The following KANK1 variants were observed in gnomAD, a reference collection of about 807,000 sequenced individuals.
The protein encoded by KANK1 is KN motif and ankyrin repeat domains 1, also known as KN motif and ankyrin repeat domain-containing protein 1.
KANK1 carries 109 observed loss-of-function variants against 106.2 expected under a neutral mutation model. The ratio of observed to expected loss-of-function variants is 1.03; its 90% CI spans 0.88 to 1.20. The LOEUF (loss-of-function observed/expected upper bound fraction) is 1.20, where lower values mean the gene tolerates loss of function less well. Among genes scored for constraint, KANK1 ranks in the 50% most tolerant of loss-of-function variants. KANK1 has a pLI of 0.00. For missense variants in KANK1, 2,399 were observed against 1,710.7 expected (o/e 1.40, Z -7.10); for synonymous variants, 873 against 652.2 (o/e 1.34, Z -5.16).
At chr9:707,062 G>T (rs1428551584) in intron 2 of KANK1, 31 of 985,372 alleles carry the variant, frequency 3.1e-5, no homozygotes, top group Non-Finnish European at 3.7e-5. Flanking sequence ...CACTGCAGCC[G>T]GAGGGAGACC....
chr9:592,171 GT>G (rs1163461158), intron 1 of KANK1, among the ~76,000 whole-genome samples: 1 of 151,724 alleles, frequency 6.6e-6, no homozygotes, highest in Admixed American at 6.6e-5. Context: ...TCAAAAAAGG[GT>G]TTGGCTGAAG....
chr9:628,054 A>G (rs1046235512), intron 1 of KANK1, among the ~76,000 whole-genome samples: 5 of 151,978 alleles, frequency 3.3e-5, no homozygotes, highest in Non-Finnish European at 2.9e-5. Context: ...TACAGTATAT[A>G]AAACACTTAA....
intron 3 of KANK1, among the ~76,000 whole-genome samples, chr9:485,016 GC>G (rs2058267428): frequency 1.3e-5 from 2 of 152,302 alleles, no homozygotes; most frequent in South Asian, 4.1e-4. Flanking sequence ...GTTCAGAGAG[GC>G]CCTGGAAGCC....
intron 5 of KANK1, chr9:732,060 G>A (rs1832442201): frequency 5.1e-6 from 1 of 195,098 alleles, no homozygotes; most frequent in Non-Finnish European, 1.0e-5. Flanking sequence ...GGTGGGGGGG[G>A]GACAAAAAGC....
chr9:643,892 G>A (rs776349412), intron 1 of KANK1, among the ~76,000 whole-genome samples: 1 of 149,428 alleles, frequency 6.7e-6, no homozygotes, highest in Non-Finnish European at 1.5e-5. Flanking sequence ...TGGTAGAGAC[G>A]GGGTTTCACC....
At position 738,393 on chromosome 9, in the gene KANK1, C is replaced by A. The variant is rs142515309; in HGVS notation, c.3442C>A (p.Pro1148Thr). ...CATAGCTGCTTTTGAGGCCATTTCC[C>A]CAGATGTCCTCCGCTATGTCATCAA... is the stretch of plus-strand genomic sequence containing the variant. Reference protein sequence around the residue: ...DYIAAFEAISPDVLRYVINLA... With the variant: ...DYIAAFEAISTDVLRYVINLA... Residue 1148 changes from proline (P) to threonine (T), a missense_variant, in exon 8 of 12, where the codon CCA (proline) becomes ACA (threonine). Transcript: ENST00000382297. 6.2e-7 allele frequency: 1 copy of A among 1,614,122 alleles called. No homozygotes were observed. The highest frequency in any genetic ancestry group is 8.5e-7 in the Non-Finnish European group (1 of 1,180,000).
intron 2 of KANK1, among the ~76,000 whole-genome samples, chr9:701,058 A>G (rs1822535267): frequency 6.6e-6 from 1 of 152,170 alleles, no homozygotes; most frequent in South Asian, 2.1e-4. Flanking sequence ...GGCATTTTTT[A>G]TCACTTGAGC....
intron 1 of KANK1, among the ~76,000 whole-genome samples, chr9:546,263 G>T (rs1405717593): frequency 1.3e-5 from 2 of 152,004 alleles, no homozygotes; most frequent in African/African-American, 4.8e-5. Flanking sequence ...GGGAATATTT[G>T]GCAATATCCG....
intron 1 of KANK1, among the ~76,000 whole-genome samples, chr9:560,763 G>A (rs757925037): frequency 6.9e-6 from 1 of 144,698 alleles, no homozygotes; most frequent in African/African-American, 2.5e-5. Context: ...CCAACTGGAT[G>A]TCAGACATCA....
intron 3 of KANK1, among the ~76,000 whole-genome samples, chr9:714,780 T>C (rs1490251115): frequency 6.6e-6 from 1 of 152,206 alleles, no homozygotes; most frequent in Non-Finnish European, 1.5e-5. Context: ...TTTTATGGCT[T>C]ACAGTAATTC....
In KANK1 at chr9:745,275, G is replaced by C; in HGVS notation, c.*40G>C. ...CCCTTTATTTACATGCCACTATTAA[G>C]CTGCTAATTGTTCCTGTTGGGGTGA... On this transcript the variant is annotated 3_prime_UTR_variant, in exon 12 of 12. Coordinates refer to ENST00000382297, the MANE Select transcript of KANK1 (RefSeq NM_015158.5). 4 of 1,612,248 alleles carry C rather than the reference G, an allele frequency of 2.5e-6. No individual in the cohort carries two copies. Among genetic ancestry groups the C allele is most frequent in the Non-Finnish European group, 3.4e-6 (4 of 1,178,466 alleles).
At chr9:606,178 CACACCA>C (rs1829087746) in intron 1 of KANK1, among the ~76,000 whole-genome samples, 1 of 142,842 alleles carries the variant, frequency 7.0e-6, no homozygotes, top group Non-Finnish European at 1.6e-5. Flanking sequence ...CACACACACA[CACACCA>C]CTCACACATA....
chr9:719,659 A>C (rs1372622376), intron 3 of KANK1, among the ~76,000 whole-genome samples: 2 of 152,262 alleles, frequency 1.3e-5, no homozygotes, highest in African/African-American at 4.8e-5. Flanking sequence ...ACCAATAACT[A>C]ATACCCATTC....
At chr9:509,461 G>A (rs2058932888) in intron 1 of KANK1, among the ~76,000 whole-genome samples, 2 of 152,132 alleles carry the variant, frequency 1.3e-5, no homozygotes, top group South Asian at 4.1e-4. Flanking sequence ...GCTTTTCCAT[G>A]TCTGTTCATG....
At chr9:691,922 G>C (rs1006691729) in intron 2 of KANK1, among the ~76,000 whole-genome samples, 2 of 151,932 alleles carry the variant, frequency 1.3e-5, no homozygotes, top group Admixed American at 6.6e-5. Flanking sequence ...CCCCAAAAAG[G>C]GTTCTTTTAA....
chr9:476,267 TC>T (rs2058100700), intron 3 of KANK1, among the ~76,000 whole-genome samples: 1 of 151,776 alleles, frequency 6.6e-6, no homozygotes, highest in African/African-American at 2.4e-5. Flanking sequence ...ACGCCTGTAA[TC>T]CCAGCACTTT....
chr9:531,700 T>C (rs1454880952), intron 1 of KANK1, among the ~76,000 whole-genome samples: 1 of 152,188 alleles, frequency 6.6e-6, no homozygotes, highest in African/African-American at 2.4e-5. Context: ...AAAAAAGTCT[T>C]TATTTGCCTA....
chr9:572,727 T>A (rs1819531846), intron 1 of KANK1, among the ~76,000 whole-genome samples: 1 of 152,148 alleles, frequency 6.6e-6, no homozygotes, highest in South Asian at 2.1e-4. Flanking sequence ...ACATGTGTGT[T>A]AAGCAGAAAT....
chr9:635,622 TA>T (rs750614130), intron 1 of KANK1, among the ~76,000 whole-genome samples: 3 of 151,452 alleles, frequency 2.0e-5, no homozygotes, highest in Non-Finnish European at 2.9e-5. Context: ...ATGAGTAGAA[TA>T]AGAAAAAGTT....
Sources: allele counts gnomAD v4.1 joint callset (sites outside exome capture counted in the v4.1 genomes callset), GRCh38; gene constraint gnomAD v4.1.1; transcripts MANE v1.5; gene names NCBI Gene and HGNC (gene_info 2026-07-23, HGNC 2026-07-21).